The following LRRTM4 variants were observed in gnomAD, a reference collection of about 807,000 sequenced individuals.
LRRTM4 encodes the protein leucine-rich repeat transmembrane neuronal protein 4.
In LRRTM4, 25 loss-of-function variants were observed where a neutral mutation model predicts 47.6. The observed-to-expected ratio is 0.53, with a 90% CI of 0.38 to 0.73. The LOEUF is 0.73. Among genes scored for constraint, LRRTM4 ranks in the 30% least tolerant of loss-of-function variants. The pLI, the probability that LRRTM4 is intolerant of heterozygous loss-of-function variation, is 0.00. For missense variants in LRRTM4, 638 were observed against 713.4 expected, an observed-to-expected ratio of 0.89 and a Z score of 1.20; for synonymous variants, 311 against 269.5, an observed-to-expected ratio of 1.15 and a Z score of -1.51.
At chr2:76,976,162 T>C (rs184295651) in intron 3 of LRRTM4, among the ~76,000 whole-genome samples, 9 of 151,968 alleles carry the variant, frequency 5.9e-5, no homozygotes, top group Admixed American at 2.6e-4. Flanking sequence ...CCTTTAAATG[T>C]ATAAGCAATG....
intron 3 of LRRTM4, among the ~76,000 whole-genome samples, chr2:76,749,167 T>C (rs1672758947): frequency 6.6e-6 from 1 of 152,202 alleles, no homozygotes; most frequent in South Asian, 2.1e-4. Context: ...GCTAGCTAGC[T>C]AGCCATTGCA....
chr2:76,752,467 CTCA>C (rs1258330194), intron 3 of LRRTM4, among the ~76,000 whole-genome samples: 4 of 152,108 alleles, frequency 2.6e-5, no homozygotes, highest in Non-Finnish European at 5.9e-5. Flanking sequence ...TAAAAGAGGG[CTCA>C]TGTCATTTTC....
In LRRTM4 at chr2:77,444,266, A is replaced by T. The variant is rs141971727; in HGVS notation, c.1551+74052T>A. On this transcript the variant is annotated intron_variant, in intron 3 of 3. Coordinates refer to ENST00000409884, the MANE Select transcript of LRRTM4 (RefSeq NM_001134745.3). ...GCCACGTATGACAGATGTGGATCAC[A>T]TGGGTACACACTGAGCAAGTCACAT... Among the ~76,000 whole-genome samples, 572 of 152,272 alleles carry T rather than the reference A, an allele frequency of 3.8e-3. 3 individuals are homozygous for T. The highest frequency in any genetic ancestry group is 6.5e-3 in the Non-Finnish European group (443 of 67,978).
chr2:77,054,355 C>T (rs1021535940), intron 3 of LRRTM4, among the ~76,000 whole-genome samples: 1 of 152,126 alleles, frequency 6.6e-6, no homozygotes, highest in South Asian at 2.1e-4. Context: ...TGTCCAATTG[C>T]TAACTTTAAA....
At chr2:77,456,673 T>G (rs1676553805) in intron 3 of LRRTM4, among the ~76,000 whole-genome samples, 1 of 152,050 alleles carries the variant, frequency 6.6e-6, no homozygotes, top group Non-Finnish European at 1.5e-5. Flanking sequence ...CAGCTGTCTT[T>G]CAGAACATCT....
At chr2:77,356,235 T>C (rs1387781768) in intron 3 of LRRTM4, among the ~76,000 whole-genome samples, 1 of 152,194 alleles carries the variant, frequency 6.6e-6, no homozygotes, top group Non-Finnish European at 1.5e-5. Context: ...GGAATACTTA[T>C]TAGACACTAT....
chr2:77,080,050 C>T (rs1301670835), intron 3 of LRRTM4, among the ~76,000 whole-genome samples: 2 of 152,072 alleles, frequency 1.3e-5, no homozygotes, highest in African/African-American at 4.8e-5. Flanking sequence ...AATTTATTCT[C>T]ATTTGGATTT....
chr2:77,465,959 T>C (rs1017183679), intron 3 of LRRTM4, among the ~76,000 whole-genome samples: 11 of 150,116 alleles, frequency 7.3e-5, no homozygotes, highest in African/African-American at 2.4e-4. Context: ...ATATGGACTG[T>C]TTTTCCTTTG....
At chr2:77,018,259 C>CTTTTTTTTTTTTTTTTTTTTTCT (rs59294966) in intron 3 of LRRTM4, among the ~76,000 whole-genome samples, 2 of 75,036 alleles carry the variant, frequency 2.7e-5, no homozygotes, top group Admixed American at 1.8e-4. Flanking sequence ...CTCTTGATTG[C>CTTTTTTTTTTTTTTTTTTTTTCT]TTTTTTTTTT....
intron 3 of LRRTM4, among the ~76,000 whole-genome samples, chr2:77,145,332 C>T (rs1324778225): frequency 6.6e-6 from 1 of 151,220 alleles, no homozygotes; most frequent in African/African-American, 2.4e-5. Flanking sequence ...AAATTAAACA[C>T]AGGAAAGCCC....
At chr2:76,865,296 A>T (rs1488534999) in intron 3 of LRRTM4, among the ~76,000 whole-genome samples, 1 of 152,082 alleles carries the variant, frequency 6.6e-6, no homozygotes, top group Non-Finnish European at 1.5e-5. Context: ...GACTAACAAC[A>T]CACTAGGATT....
At chr2:77,475,492 T>A (rs1352019399) in intron 3 of LRRTM4, among the ~76,000 whole-genome samples, 1 of 152,100 alleles carries the variant, frequency 6.6e-6, no homozygotes, top group Non-Finnish European at 1.5e-5. Context: ...TTTATTTAAG[T>A]AATATATAGT....
chr2:77,211,060 A>T (rs1002733411), intron 3 of LRRTM4, among the ~76,000 whole-genome samples: 3 of 152,110 alleles, frequency 2.0e-5, no homozygotes, highest in Non-Finnish European at 2.9e-5. Flanking sequence ...CATCCAGGAA[A>T]ACAGAACCCA....
In LRRTM4 at chr2:77,049,174, C is replaced by T. The variant is rs13391636; in HGVS notation, c.1552-300258G>A. 8.4e-3 allele frequency among the ~76,000 whole-genome samples: 964 copies of T among 114,380 alleles called. 15 individuals carry two copies. Among genetic ancestry groups the T allele is most frequent in the African/African-American group, 0.037 (919 of 24,916 alleles). The allele number at this position is 114,380 out of a possible 152,430, so 75.0% of individuals were successfully genotyped here. On this transcript the variant is annotated intron_variant, in intron 3 of 3. Transcript: ENST00000409884. ...TATATATATACACACACACACACAC[C>T]ACATTTTCTTTATCCATTCATCTAT... is the stretch of plus-strand genomic sequence containing the variant.
chr2:76,922,629 G>A (rs1262262170), intron 3 of LRRTM4, among the ~76,000 whole-genome samples: 1 of 152,082 alleles, frequency 6.6e-6, no homozygotes, highest in Non-Finnish European at 1.5e-5. Context: ...GGGAGGTAAA[G>A]CAAGTAAAGA....
At chr2:77,378,080 A>T (rs1240436427) in intron 3 of LRRTM4, among the ~76,000 whole-genome samples, 1 of 151,954 alleles carries the variant, frequency 6.6e-6, no homozygotes, top group African/African-American at 2.4e-5. Context: ...ATACTATTTT[A>T]TAATTTTTAA....
intron 3 of LRRTM4, among the ~76,000 whole-genome samples, chr2:77,428,930 T>C (rs1368511926): frequency 6.6e-6 from 1 of 152,206 alleles, no homozygotes; most frequent in African/African-American, 2.4e-5. Flanking sequence ...TGATCACTGT[T>C]AATAAGGAGT....
At chr2:77,277,456 C>T (rs1000016376) in intron 3 of LRRTM4, among the ~76,000 whole-genome samples, 7 of 151,904 alleles carry the variant, frequency 4.6e-5, no homozygotes, top group African/African-American at 1.7e-4. Flanking sequence ...AGATATCCAT[C>T]TTTTATTAAA....
intron 3 of LRRTM4, among the ~76,000 whole-genome samples, chr2:76,994,513 T>C (rs1238343433): frequency 2.6e-5 from 4 of 151,198 alleles, no homozygotes; most frequent in Non-Finnish European, 5.9e-5. Context: ...TAAAATCCCA[T>C]GTCTCTGATC....
Sources: gnomAD v4.1 joint callset for allele counts (sites outside exome capture counted in the v4.1 genomes callset) on GRCh38, gnomAD v4.1.1 for gene constraint, MANE v1.5 for transcripts, NCBI Gene and HGNC (gene_info 2026-07-23, HGNC 2026-07-21) for gene names.